Variants in ING3 observed in about 807,000 individuals in gnomAD.
ING3 encodes inhibitor of growth family member 3, also known as inhibitor of growth protein 3.
In ING3, 6 loss-of-function variants were observed where a neutral mutation model predicts 64.8. That is an observed-to-expected ratio of 0.09 (90% CI 0.05 to 0.18). ING3 has a LOEUF of 0.18. ING3 is among the 10% of genes least tolerant of loss of function. The pLI, the probability that ING3 is intolerant of heterozygous loss-of-function variation, is 1.00. For missense variants in ING3, 310 were observed against 489.7 expected (o/e 0.63, Z 3.46); for synonymous variants, 170 against 173.7 (o/e 0.98, Z 0.17).
At chr7:120,972,064 A>G (rs141218129) in intron 10 of ING3, among the ~76,000 whole-genome samples, 317 of 151,924 alleles carry the variant, frequency 2.1e-3, no homozygotes, top group African/African-American at 7.3e-3. Flanking sequence ...TGATTTTTCT[A>G]TTGTTTTTGT....
At chr7:120,969,374 CAA>C (rs1398159929) in intron 9 of ING3, among the ~76,000 whole-genome samples, 170 bp downstream of exon 9, 3 of 152,106 alleles carry the variant, frequency 2.0e-5, no homozygotes, top group Admixed American at 2.0e-4. Flanking sequence ...TTGAAGGTGT[CAA>C]GTCTTTAAAA....
chr7:120,975,518 A>G lies in ING3; in HGVS notation c.*674A>G, dbSNP rs1311825990. On this transcript the variant is annotated 3_prime_UTR_variant, in exon 12 of 12. Coordinates refer to ENST00000315870, the MANE Select transcript of ING3 (RefSeq NM_019071.3). ...TCTGCATCCAGATAGAGTGCAGTTC[A>G]TGAGGGAGGGGGCGGGGGACTGAAG... 1 of 114,028 alleles carries G rather than the reference A, an allele frequency of 8.8e-6. No homozygotes were observed. Among genetic ancestry groups the G allele is most frequent in the African/African-American group, 3.4e-5 (1 of 29,210 alleles). 7.1% of individuals were successfully genotyped at this position (114,028 alleles called of 1,614,324 possible). A position where few individuals can be genotyped will look rare whatever the true frequency, so the allele number is the denominator to read the frequency against.
At position 120,975,648 on chromosome 7, in the gene ING3, T is replaced by A. The variant is rs573833699; in HGVS notation, c.*804T>A. ...GTATTAGGTGTTAAAATAAAGTTTT[T>A]AAAAAATTACTTGTATTTATACTTT... On this transcript the variant is annotated 3_prime_UTR_variant, in exon 12 of 12. Transcript: ENST00000315870. The A allele has an allele frequency of 1.3e-5, 2 of 152,274 alleles. No individual in the cohort carries two copies. Among genetic ancestry groups the A allele is most frequent in the East Asian group, 1.9e-4 (1 of 5,188 alleles). The allele number at this position is 152,274 out of a possible 1,614,324, so 9.4% of individuals were successfully genotyped here.
intron 2 of ING3, among the ~76,000 whole-genome samples, chr7:120,952,613 CAAAG>C (rs1464231378): frequency 2.0e-5 from 3 of 152,002 alleles, no homozygotes; most frequent in Non-Finnish European, 2.9e-5. Context: ...CTTATTTAAA[CAAAG>C]GAACATACTT....
In ING3 at chr7:120,962,327, G is replaced by A. The variant is rs540313446; in HGVS notation, c.268-2415G>A. On this transcript the variant is annotated intron_variant, in intron 4 of 11. Transcript: ENST00000315870. The stretch of plus-strand genomic sequence containing the variant: ...GAGGAAGTAAGAATGATTGGAAGCC[G>A]TCTTATAAAGATGCCTACCACAAGT... Among the ~76,000 whole-genome samples, 14 of 152,044 alleles carry A rather than the reference G, an allele frequency of 9.2e-5. No homozygotes were observed. The South Asian group carries it at 1.5e-3, about 16-fold the overall frequency.
chr7:120,963,405 T>C (rs1440753560), intron 4 of ING3, among the ~76,000 whole-genome samples: 1 of 151,994 alleles, frequency 6.6e-6, no homozygotes, highest in Non-Finnish European at 1.5e-5. Flanking sequence ...ATATTACTAG[T>C]TTTTATACTT....
intron 5 of ING3, 144 bp from the exon 6 acceptor site, chr7:120,966,482 C>G (rs192738223): frequency 1.4e-6 from 1 of 739,316 alleles, no homozygotes; most frequent in East Asian, 2.6e-5. Context: ...TCTAACATGT[C>G]TGGCTAAAAT....
intron 2 of ING3, 118 bp from the exon 3 acceptor site, chr7:120,953,186 G>C: frequency 1.8e-6 from 1 of 540,760 alleles, no homozygotes; most frequent in East Asian, 3.3e-5. Context: ...ACATATTTAA[G>C]TTACTGGCAA....
At chr7:120,961,461 G>A (rs1196899909) in intron 4 of ING3, among the ~76,000 whole-genome samples, 1 of 152,144 alleles carries the variant, frequency 6.6e-6, no homozygotes, top group Admixed American at 6.5e-5. Flanking sequence ...TAAATTGATT[G>A]TATTGGAAGC....
intron 2 of ING3, among the ~76,000 whole-genome samples, chr7:120,952,668 G>C (rs77273645): frequency 6.6e-6 from 1 of 151,886 alleles, no homozygotes; most frequent in Non-Finnish European, 1.5e-5. Flanking sequence ...TCTTTAAAAG[G>C]CTATTGTGGA....
rs575162731 is a variant in ING3, at chr7:120,975,321, TG to T, written c.*479del. On this transcript the variant is annotated 3_prime_UTR_variant, in exon 12 of 12. Transcript: ENST00000315870. ...TGCTTCTAAAAAGAATTTAAGATAATGGTTTTTAAAATGCCTTTATAATAAG... is the reference window on the plus strand; with the variant it reads ...TGCTTCTAAAAAGAATTTAAGATAATGTTTTTAAAATGCCTTTATAATAAG... 26 of 151,490 alleles carry T rather than the reference TG, an allele frequency of 1.7e-4. No homozygotes were observed. Among genetic ancestry groups the T allele is most frequent in the African/African-American group, 6.1e-4 (25 of 41,306 alleles). 9.4% of individuals were successfully genotyped at this position (151,490 alleles called of 1,614,324 possible).
chr7:120,957,862 A>T (rs1795874161), intron 4 of ING3, among the ~76,000 whole-genome samples: 1 of 152,246 alleles, frequency 6.6e-6, no homozygotes, highest in Non-Finnish European at 1.5e-5. Context: ...CACTGACACC[A>T]TGACTTTGGA....
At chr7:120,974,631 A>G (rs1394992929) in intron 11 of ING3, 97 bp from the exon 12 acceptor site, 3 of 608,934 alleles carry the variant, frequency 4.9e-6, no homozygotes, top group Non-Finnish European at 8.9e-6. Context: ...AATTATTGTT[A>G]AATTAAATGG....
intron 3 of ING3, among the ~76,000 whole-genome samples, chr7:120,955,238 T>C (rs1210415834): frequency 6.6e-6 from 1 of 152,140 alleles, no homozygotes; most frequent in African/African-American, 2.4e-5. Context: ...AAGCACTTCT[T>C]GTGCCTCAAC....
rs1160209458 is a variant in ING3, at chr7:120,975,378, G to C, written c.*534G>C. ...TTTCTTTGTGAAACTAATTCAGCAG[G>C]CTGAAGGAAATGGTTCATGTGATAA... is the stretch of plus-strand genomic sequence containing the variant. On this transcript the variant is annotated 3_prime_UTR_variant, in exon 12 of 12. Transcript: ENST00000315870. 1 of 152,056 alleles carries C rather than the reference G, an allele frequency of 6.6e-6. No individual in the cohort carries two copies. The highest frequency in any genetic ancestry group is 2.4e-5 in the African/African-American group (1 of 41,404). 9.4% of individuals were successfully genotyped at this position (152,056 alleles called of 1,614,324 possible). A position where few individuals can be genotyped will look rare whatever the true frequency, so the allele number is the denominator to read the frequency against.
In ING3 at chr7:120,967,521, A is replaced by G; in HGVS notation, c.437-8A>G. On this transcript the variant is annotated splice_region_variant and splice_polypyrimidine_tract_variant and intron_variant, in intron 6 of 11. Transcript: ENST00000315870. ...TTAAAAACACATGAATTTTTTATTT[A>G]TATTTAGAAAGGAAATATAATCCAA... 1 of 1,514,148 alleles carries G rather than the reference A, an allele frequency of 6.6e-7. No individual in the cohort carries two copies. The highest frequency in any genetic ancestry group is 9.0e-7 in the Non-Finnish European group (1 of 1,112,630). The allele number at this position is 1,514,148 out of a possible 1,614,324, so 93.8% of individuals were successfully genotyped here. A position where few individuals can be genotyped will look rare whatever the true frequency, so the allele number is the denominator to read the frequency against.
intron 6 of ING3, among the ~76,000 whole-genome samples, chr7:120,967,187 A>C (rs532223162): frequency 1.2e-4 from 18 of 152,370 alleles, no homozygotes; most frequent in East Asian, 3.9e-4. Flanking sequence ...AAAAATGACT[A>C]TATCAGTACA....
intron 10 of ING3, among the ~76,000 whole-genome samples, chr7:120,971,219 G>T (rs1796066136): frequency 6.6e-6 from 1 of 152,206 alleles, no homozygotes; most frequent in East Asian, 1.9e-4. Flanking sequence ...AGGCTGGGAA[G>T]TCCAAGATCA....
chr7:120,951,064 G>A (rs1167283797), intron 1 of ING3, 100 bp from the exon 2 acceptor site: 1 of 1,522,034 alleles, frequency 6.6e-7, no homozygotes, highest in Non-Finnish European at 9.1e-7. Flanking sequence ...CCTCGTTGTG[G>A]GCTGCCGGCC....
Sources: gnomAD v4.1 joint callset for allele counts (sites outside exome capture counted in the v4.1 genomes callset) on GRCh38, gnomAD v4.1.1 for gene constraint, MANE v1.5 for transcripts, NCBI Gene and HGNC (gene_info 2026-07-23, HGNC 2026-07-21) for gene names.